Variants in UBE2O observed in about 807,000 individuals in gnomAD.
UBE2O encodes (E3-independent) E2 ubiquitin-conjugating enzyme.
Under a neutral mutation model 125.8 loss-of-function variants are expected in UBE2O, and 15 were observed. That is an observed-to-expected ratio of 0.12 (90% CI 0.08 to 0.18). The LOEUF is 0.18. UBE2O is among the 10% of genes least tolerant of loss of function. UBE2O has a pLI of 1.00. For synonymous variants in UBE2O, 708 were observed against 703.2 expected, an observed-to-expected ratio of 1.01 and a Z score of -0.11; for missense variants, 1,280 against 1,723.6, an observed-to-expected ratio of 0.74 and a Z score of 4.56.
chr17:76,408,343 A>G (rs989198683), intron 1 of UBE2O, among the ~76,000 whole-genome samples: 5 of 152,162 alleles, frequency 3.3e-5, no homozygotes, highest in African/African-American at 1.2e-4. Flanking sequence ...TTCGCCCATG[A>G]GGTGCTCCAC....
intron 1 of UBE2O, among the ~76,000 whole-genome samples, chr17:76,435,487 T>C (rs2072981212): frequency 6.6e-6 from 1 of 150,384 alleles, no homozygotes; most frequent in African/African-American, 2.4e-5. Flanking sequence ...AGGTTGGCCT[T>C]ACGAGGCAGA....
At chr17:76,416,063 A>T (rs1379718064) in intron 1 of UBE2O, among the ~76,000 whole-genome samples, 1 of 151,816 alleles carries the variant, frequency 6.6e-6, no homozygotes, top group Non-Finnish European at 1.5e-5. Flanking sequence ...ACATACACGT[A>T]TATACGTATG....
chr17:76,423,789 T>C (rs900224546), intron 1 of UBE2O, among the ~76,000 whole-genome samples: 1 of 151,290 alleles, frequency 6.6e-6, no homozygotes, highest in East Asian at 1.9e-4. Context: ...CAGGACATAA[T>C]TGATAGAGGT....
intron 1 of UBE2O, among the ~76,000 whole-genome samples, chr17:76,413,531 T>G (rs2072551116): frequency 6.6e-6 from 1 of 152,168 alleles, no homozygotes; most frequent in African/African-American, 2.4e-5. Flanking sequence ...AGTTAAAATA[T>G]TTTGAAAAAA....
Position 76,395,613 on chromosome 17 carries a change from T to C in UBE2O, c.2946+112A>G, listed in dbSNP as rs937445262. On this transcript the variant is annotated intron_variant, in intron 15 of 17. Coordinates refer to ENST00000319380, the MANE Select transcript of UBE2O (RefSeq NM_022066.4). The surrounding 1 kb of genome is among the most constrained non-coding windows in gnomAD (Gnocchi z 5.0). The stretch of plus-strand genomic sequence containing the variant: ...CCTGTAAAAGGTGGGTGGGTGAGTG[T>C]CCTCGCAGGTGCCAGTCAGCCCCGG... 16 of 1,350,300 alleles carry C rather than the reference T, an allele frequency of 1.2e-5. No homozygotes were observed. Among genetic ancestry groups the C allele is most frequent in the Non-Finnish European group, 1.5e-5 (15 of 993,126 alleles). The allele number at this position is 1,350,300 out of a possible 1,614,324, so 83.6% of individuals were successfully genotyped here.
chr17:76,430,148 C>T (rs1462428057), intron 1 of UBE2O, among the ~76,000 whole-genome samples: 1 of 152,298 alleles, frequency 6.6e-6, no homozygotes. Flanking sequence ...CTGCTCTGCT[C>T]AGTCTTCTGT....
At position 76,391,311 on chromosome 17, in the gene UBE2O, G is replaced by A. The variant is rs1158324668; in HGVS notation, c.3511C>T (p.Pro1171Ser). 6.2e-7 allele frequency: 1 copy of A among 1,612,888 alleles called. No homozygotes were observed. Among genetic ancestry groups the A allele is most frequent in the South Asian group, 1.1e-5 (1 of 91,070 alleles). Residue 1171 changes from proline (P) to serine (S), a missense_variant, in exon 18 of 18, where the codon CCC becomes TCC. Pro to Ser is a moderately conservative substitution (Grantham distance 74). Transcript: ENST00000319380. This position sits in a 1 kb window ranked among gnomAD's most constrained non-coding sequence, Gnocchi z 8.4. The part of the protein sequence containing the change: ...GVPKASSSPE[P>S]PAVAELSDSG... ...TCTGACAGCTCGGCTACAGCTGGGGGCTCTGGCGAGCTGCTGGCCTTGGGC... is the reference window on the plus strand; with the variant it reads ...TCTGACAGCTCGGCTACAGCTGGGGACTCTGGCGAGCTGCTGGCCTTGGGC...
chr17:76,440,421 G>A (rs1355373907), intron 1 of UBE2O, among the ~76,000 whole-genome samples: 3 of 152,172 alleles, frequency 2.0e-5, no homozygotes, highest in Non-Finnish European at 4.4e-5. Context: ...TCGACCGCCA[G>A]GACTCAAGCG....
At chr17:76,401,241 C>T in intron 5 of UBE2O, 87 bp from the exon 6 acceptor site, 1 of 1,505,372 alleles carries the variant, frequency 6.6e-7, no homozygotes, top group Non-Finnish European at 9.0e-7. Context: ...CGCTGGCTGC[C>T]CACCTGCAGA....
chr17:76,435,939 G>A (rs2072989957), intron 1 of UBE2O, among the ~76,000 whole-genome samples: 1 of 152,220 alleles, frequency 6.6e-6, no homozygotes, highest in Non-Finnish European at 1.5e-5. Context: ...TCCTGCAGAT[G>A]TCACATCAAA....
chr17:76,409,480 T>G (rs1332036599), intron 1 of UBE2O, among the ~76,000 whole-genome samples: 1 of 151,672 alleles, frequency 6.6e-6, no homozygotes, highest in Non-Finnish European at 1.5e-5. Context: ...CACTGCAACC[T>G]CCGCCTCTGG....
At chr17:76,409,684 G>A (rs898141117) in intron 1 of UBE2O, among the ~76,000 whole-genome samples, 3 of 152,160 alleles carry the variant, frequency 2.0e-5, no homozygotes, top group African/African-American at 4.8e-5. Context: ...GTGAGCCACC[G>A]CCCCTGGCAA....
intron 1 of UBE2O, among the ~76,000 whole-genome samples, chr17:76,434,798 AAAAC>A (rs1174969255): frequency 2.0e-5 from 3 of 150,638 alleles, no homozygotes; most frequent in Non-Finnish European, 3.0e-5. Context: ...TTTTTTTAAA[AAAAC>A]AAACAAAAAA....
At chr17:76,449,765 A>C (rs529098485) in intron 1 of UBE2O, among the ~76,000 whole-genome samples, 1 of 146,786 alleles carries the variant, frequency 6.8e-6, no homozygotes, top group South Asian at 2.2e-4. Flanking sequence ...CTAAAAATAC[A>C]AAAAATTAGC....
chr17:76,424,665 A>G (rs538130927), intron 1 of UBE2O, among the ~76,000 whole-genome samples: 12 of 152,092 alleles, frequency 7.9e-5, no homozygotes, highest in Admixed American at 7.9e-4. Context: ...GCTTGAGGCC[A>G]GGAGTTCAAG....
intron 1 of UBE2O, among the ~76,000 whole-genome samples, chr17:76,424,683 T>C (rs1889899906): frequency 1.3e-5 from 2 of 151,804 alleles, no homozygotes; most frequent in Admixed American, 6.6e-5. Flanking sequence ...AAGACCAGCC[T>C]GGGCAACAGA....
At chr17:76,442,399 G>C (rs2073088333) in intron 1 of UBE2O, among the ~76,000 whole-genome samples, 1 of 152,164 alleles carries the variant, frequency 6.6e-6, no homozygotes, top group Admixed American at 6.5e-5. Context: ...GTCTAGTAAG[G>C]GGCCCATACA....
rs147349982 is a variant in UBE2O, at chr17:76,396,284, C to T, written c.2653G>A (p.Val885Ile). 9.9e-6 allele frequency: 16 copies of T among 1,614,096 alleles called. No individual in the cohort carries two copies. Among genetic ancestry groups the T allele is most frequent in the African/African-American group, 5.3e-5 (4 of 74,928 alleles). The change falls in exon 14 of 18, where the codon GTA (valine) becomes ATA (isoleucine). Residue 885 changes from valine to isoleucine, a missense_variant. Transcript: ENST00000319380. The surrounding 1 kb of genome is among the most constrained non-coding windows in gnomAD (Gnocchi z 6.7). ...TCGGGCTTGTCCTCCTTGCGCTCTA[C>T]GTCGGGCACTGCTTCCATCTTCTCC... ...EEEKMEAVPD[V>I]ERKEDKPEGQ...
rs1054592273 is a variant in UBE2O, at chr17:76,441,590, A to G, written c.417+11135T>C. 1.4e-4 allele frequency among the ~76,000 whole-genome samples: 22 copies of G among 152,234 alleles called. 1 individual carries two copies. The highest frequency in any genetic ancestry group is 2.4e-4 in the Non-Finnish European group (16 of 68,038). ...ATCAACGAGGTTTGGAAGGGCCCAT[A>G]TAAGTGCAATTCAAAAGACAGTCCC... is the stretch of plus-strand genomic sequence containing the variant. On this transcript the variant is annotated intron_variant, in intron 1 of 17. Coordinates refer to ENST00000319380, the MANE Select transcript of UBE2O (RefSeq NM_022066.4).
Sources: allele counts gnomAD v4.1 joint callset (sites outside exome capture counted in the v4.1 genomes callset), GRCh38; gene constraint gnomAD v4.1.1; non-coding constraint Gnocchi (gnomAD v3.1); transcripts MANE v1.5; gene names NCBI Gene and HGNC (gene_info 2026-07-23, HGNC 2026-07-21).